Variants in CCDC86 observed in about 807,000 individuals in gnomAD.
CCDC86 encodes the protein coiled-coil domain-containing protein 86.
Under a neutral mutation model 36.7 loss-of-function variants are expected in CCDC86, and 28 were observed. The ratio of observed to expected loss-of-function variants is 0.76; its 90% CI spans 0.57 to 1.05. The LOEUF (loss-of-function observed/expected upper bound fraction) is 1.05, where lower values mean the gene tolerates loss of function less well. Ranked by LOEUF, CCDC86 falls within the 50% of genes least tolerant of loss-of-function variation. CCDC86 has a pLI of 0.00. For synonymous variants in CCDC86, 199 were observed against 203.4 expected (o/e 0.98, Z 0.18); for missense variants, 453 against 470.2 (o/e 0.96, Z 0.34).
At chr11:60,845,253 C>T (rs1855169106) in intron 1 of CCDC86, among the ~76,000 whole-genome samples, 1 of 152,182 alleles carries the variant, frequency 6.6e-6, no homozygotes, top group Non-Finnish European at 1.5e-5. Context: ...GTCAGAGAGA[C>T]AGCAGGACCT....
intron 1 of CCDC86, among the ~76,000 whole-genome samples, chr11:60,847,075 C>G (rs1297818091): frequency 6.6e-6 from 1 of 151,050 alleles, no homozygotes; most frequent in Non-Finnish European, 1.5e-5. Flanking sequence ...GATTCTTTTT[C>G]TTTTTTCTTT....
intron 3 of CCDC86, 33 bp from the exon 4 acceptor site, chr11:60,850,173 T>C (rs495949): frequency 1 from 1,608,670 of 1,612,592 alleles, 802,444 homozygotes; most frequent in East Asian, 1. Flanking sequence ...AGGCTGCAGC[T>C]GCACTAATGT....
In CCDC86 at chr11:60,842,228, T is replaced by C. The variant is rs776497985; in HGVS notation, c.104T>C (p.Phe35Ser). ...VSRTRRALVE[F>S]ESNPEETREP... ...CGGACGAGACGGGCCCTTGTGGAGT[T>C]CGAGTCGAACCCAGAAGAAACGAGG... Residue 35 changes from phenylalanine (F) to serine (S), a missense_variant, in exon 1 of 4, where the codon TTC becomes TCC. By Grantham distance (155) the Phe-to-Ser change is radical (BLOSUM62 -2). Transcript: ENST00000227520. 1 of 1,613,088 alleles carries C rather than the reference T, an allele frequency of 6.2e-7. No homozygotes were observed. The highest frequency in any genetic ancestry group is 1.1e-5 in the South Asian group (1 of 91,054).
At chr11:60,848,313 G>A (rs982844020) in intron 2 of CCDC86, among the ~76,000 whole-genome samples, 1 of 152,188 alleles carries the variant, frequency 6.6e-6, no homozygotes, top group Non-Finnish European at 1.5e-5. Flanking sequence ...GGGACGGAGG[G>A]GGAGGACCAG....
At chr11:60,844,360 A>G (rs1302269241) in intron 1 of CCDC86, among the ~76,000 whole-genome samples, 1 of 152,150 alleles carries the variant, frequency 6.6e-6, no homozygotes, top group African/African-American at 2.4e-5. Context: ...GCTCACTCAG[A>G]GCATGCACTC....
At position 60,847,743 on chromosome 11, in the gene CCDC86, G is replaced by T. The variant is rs1445831786; in HGVS notation, c.759-181G>T. 4.5e-6 allele frequency: 3 copies of T among 661,986 alleles called. No homozygotes were observed. In the South Asian group the frequency reaches 5.9e-5, roughly 13 times the overall value. The allele number at this position is 661,986 out of a possible 1,614,324, so 41.0% of individuals were successfully genotyped here. ...AGGCTTGAGAAATGGCAGCCAGCAC[G>T]ATCAGGGTTCCCTCCCGCCCCAAGT... is the stretch of plus-strand genomic sequence containing the variant. On this transcript the variant is annotated intron_variant, in intron 1 of 3. Coordinates refer to ENST00000227520, the MANE Select transcript of CCDC86 (RefSeq NM_024098.4).
At position 60,842,438 on chromosome 11, in the gene CCDC86, GAC is replaced by G; in HGVS notation, c.316_317del (p.Gln106AlafsTer6). 1.2e-6 allele frequency: 2 copies of G among 1,614,002 alleles called. No homozygotes were observed. Among genetic ancestry groups the G allele is most frequent in the Non-Finnish European group, 1.7e-6 (2 of 1,180,010 alleles). Reference sequence around the variant, plus strand: ...GACCTACACCTGGAGTCGCCTCAAAGACAGCCAGAGTACAGTCCTGAATCCCC... The same window carrying G: ...GACCTACACCTGGAGTCGCCTCAAAGAGCCAGAGTACAGTCCTGAATCCCC... On this transcript the variant is annotated frameshift_variant, in exon 1 of 4. Coordinates refer to ENST00000227520, the MANE Select transcript of CCDC86 (RefSeq NM_024098.4). LOFTEE classifies it high-confidence loss of function.
intron 2 of CCDC86, among the ~76,000 whole-genome samples, chr11:60,848,690 G>A (rs1279906591): frequency 1.3e-5 from 2 of 152,136 alleles, no homozygotes; most frequent in African/African-American, 4.8e-5. Flanking sequence ...CCCAGGGCAG[G>A]GCAGTCAGTG....
chr11:60,842,983 G>A, intron 1 of CCDC86, 101 bp downstream of exon 1: 1 of 1,427,982 alleles, frequency 7.0e-7, no homozygotes, highest in Non-Finnish European at 9.3e-7. Context: ...GGGTTAGAGA[G>A]AGCTCACGTT....
intron 1 of CCDC86, among the ~76,000 whole-genome samples, chr11:60,846,277 G>A (rs1489726562): frequency 6.6e-6 from 1 of 152,200 alleles, no homozygotes; most frequent in Non-Finnish European, 1.5e-5. Context: ...TAGGAGGCCA[G>A]GCCTTCAGTG....
chr11:60,848,614 G>C (rs1057215394), intron 2 of CCDC86, among the ~76,000 whole-genome samples: 1 of 152,132 alleles, frequency 6.6e-6, no homozygotes, highest in Non-Finnish European at 1.5e-5. Context: ...CTTTTAAGCG[G>C]GGGGAAGAGG....
chr11:60,848,255 A>G (rs1480858882), intron 2 of CCDC86, among the ~76,000 whole-genome samples: 2 of 145,396 alleles, frequency 1.4e-5, no homozygotes, highest in East Asian at 5.5e-4. Context: ...AGGGAGGCCC[A>G]GGGGACCATA....
chr11:60,842,610 G>GCCTTACC lies in CCDC86; in HGVS notation c.489_495dup (p.Gly166LeufsTer31). 1.2e-6 allele frequency: 2 copies of GCCTTACC among 1,613,578 alleles called. No individual in the cohort carries two copies. The highest frequency in any genetic ancestry group is 1.7e-6 in the Non-Finnish European group (2 of 1,179,886). ...TACCGCCGGTCCCAGGATCACCAGA[G>GCCTTACC]CCTTACCCCGGTCAGCAAGCTCCCG... On this transcript the variant is annotated frameshift_variant, in exon 1 of 4. Transcript: ENST00000227520. LOFTEE classifies it high-confidence loss of function.
chr11:60,842,148 C>T lies in CCDC86; in HGVS notation c.24C>T (p.Ser8=). Residue 8 remains serine, a synonymous_variant, in exon 1 of 4, where the codon AGC becomes AGT. Coordinates refer to ENST00000227520, the MANE Select transcript of CCDC86 (RefSeq NM_024098.4). ...CCATGGATACACCGTTAAGGCGCAGCCGACGGCTGGGAGGCCTAAGGCCCG... is the reference window on the plus strand; with the variant it reads ...CCATGGATACACCGTTAAGGCGCAGTCGACGGCTGGGAGGCCTAAGGCCCG... The part of the protein sequence containing the change: MDTPLRR[S]RRLGGLRPES... The T allele has an allele frequency of 3.8e-6, 6 of 1,597,318 alleles. No homozygotes were observed. The highest frequency in any genetic ancestry group is 1.1e-5 in the South Asian group (1 of 89,652).
intron 1 of CCDC86, among the ~76,000 whole-genome samples, chr11:60,845,493 C>A (rs879938098): frequency 6.6e-6 from 1 of 152,200 alleles, no homozygotes; most frequent in Non-Finnish European, 1.5e-5. Flanking sequence ...AGCAGGGCCA[C>A]TGAATGGATG....
chr11:60,846,541 C>T lies in CCDC86; in HGVS notation c.759-1383C>T, dbSNP rs371331120. On this transcript the variant is annotated intron_variant, in intron 1 of 3. Transcript: ENST00000227520. ...ACAGCTCAGCATTTTACTAGTGTAGCTTCATCTTTGATACTTGGCTTTTTT... is the reference window on the plus strand; with the variant it reads ...ACAGCTCAGCATTTTACTAGTGTAGTTTCATCTTTGATACTTGGCTTTTTT... Among the ~76,000 whole-genome samples, 4 of 152,256 alleles carry T rather than the reference C, an allele frequency of 2.6e-5. No homozygotes were observed. The South Asian group carries it at 8.3e-4, about 32-fold the overall frequency.
intron 1 of CCDC86, 129 bp from the exon 2 acceptor site, chr11:60,847,795 C>T (rs922554294): frequency 7.7e-7 from 1 of 1,298,568 alleles, no homozygotes; most frequent in Non-Finnish European, 1.0e-6. Flanking sequence ...GGCCGCCTGT[C>T]AGGCCAGCAA....
In CCDC86 at chr11:60,842,837, G is replaced by A; in HGVS notation, c.713G>A (p.Gly238Glu). Residue 238 changes from glycine (G) to glutamate (E), a missense_variant, in exon 1 of 4, where the codon GGG becomes GAG. Physicochemically the swap from Gly to Glu is moderately conservative, Grantham distance 98. Transcript: ENST00000227520. ...NKEELPVIPKGKPKSGRVWKD... is the reference protein window; with the variant it reads ...NKEELPVIPKEKPKSGRVWKD... Reference sequence around the variant, plus strand: ...GAGGAGCTTCCTGTAATCCCGAAGGGGAAGCCCAAATCGGGGCGAGTGTGG... The same window carrying A: ...GAGGAGCTTCCTGTAATCCCGAAGGAGAAGCCCAAATCGGGGCGAGTGTGG... The A allele has an allele frequency of 1.3e-6, 2 of 1,595,110 alleles. No homozygotes were observed. Among genetic ancestry groups the A allele is most frequent in the Non-Finnish European group, 1.7e-6 (2 of 1,169,192 alleles).
chr11:60,844,764 C>T (rs577037343), intron 1 of CCDC86, among the ~76,000 whole-genome samples: 3 of 152,316 alleles, frequency 2.0e-5, no homozygotes, highest in African/African-American at 4.8e-5. Context: ...GGGGACTTAC[C>T]TATCATGACT....
Sources: gnomAD v4.1 joint callset for allele counts (sites outside exome capture counted in the v4.1 genomes callset) on GRCh38, gnomAD v4.1.1 for gene constraint, MANE v1.5 for transcripts, NCBI Gene and HGNC (gene_info 2026-07-23, HGNC 2026-07-21) for gene names.